Variants in NSD2 observed in about 807,000 individuals in gnomAD.
NSD2 encodes histone-lysine N-methyltransferase NSD2.
NSD2 carries 12 observed loss-of-function variants against 139.0 expected under a neutral mutation model. The observed-to-expected ratio is 0.09, with a 90% CI of 0.06 to 0.14. The LOEUF (loss-of-function observed/expected upper bound fraction) is 0.14, where lower values mean the gene tolerates loss of function less well. NSD2 is among the 10% of genes least tolerant of loss of function. The pLI, the probability that NSD2 is intolerant of heterozygous loss-of-function variation, is 1.00. For missense variants in NSD2, 1,155 were observed against 1,745.0 expected (o/e 0.66, Z 6.02); for synonymous variants, 669 against 648.7 (o/e 1.03, Z -0.48).
rs922442273 is a variant in NSD2 at position 1,955,927 on chromosome 4, A to G, written c.2676-56A>G. ...GCTTTACAGTACTTAAAGTATTGAAATTATTATCGCTGTCTCTGAGGAGTC... is the reference window on the plus strand; with the variant it reads ...GCTTTACAGTACTTAAAGTATTGAAGTTATTATCGCTGTCTCTGAGGAGTC... On this transcript the variant is annotated intron_variant, in intron 14 of 21. Transcript: ENST00000508803. The surrounding 1 kb of genome is among the most constrained non-coding windows in gnomAD (Gnocchi z 4.7). 18 of 1,610,900 alleles carry G rather than the reference A, an allele frequency of 1.1e-5. No homozygotes were observed. Among genetic ancestry groups the G allele is most frequent in the Non-Finnish European group, 1.4e-5 (16 of 1,178,084 alleles).
In NSD2 at chr4:1,955,110, A is replaced by T. The variant is rs778060997; in HGVS notation, c.2339-51A>T. ...GTAATTATTAGTTGCTCTTTTCACT[A>T]TGACTGGAGTCAGTGTTTGGGGTCC... is the stretch of plus-strand genomic sequence containing the variant. On this transcript the variant is annotated intron_variant, in intron 12 of 21. Coordinates refer to ENST00000508803, the MANE Select transcript of NSD2 (RefSeq NM_001042424.3). The surrounding 1 kb of genome is among the most constrained non-coding windows in gnomAD (Gnocchi z 4.7). The T allele has an allele frequency of 2.6e-6, 4 of 1,527,328 alleles. No homozygotes were observed. The highest frequency in any genetic ancestry group is 3.6e-6 in the Non-Finnish European group (4 of 1,121,868). 94.6% of individuals were successfully genotyped at this position (1,527,328 alleles called of 1,614,324 possible). A position where few individuals can be genotyped will look rare whatever the true frequency, so the allele number is the denominator to read the frequency against.
chr4:1,971,216 A>C (rs368430615), intron 18 of NSD2, among the ~76,000 whole-genome samples: 42 of 152,248 alleles, frequency 2.8e-4, no homozygotes, highest in African/African-American at 9.6e-4. Context: ...TTGTGGCCAA[A>C]GGTATGCCAA....
intron 15 of NSD2, among the ~76,000 whole-genome samples, chr4:1,957,255 G>T (rs1227130198): frequency 6.6e-6 from 1 of 151,834 alleles, no homozygotes; most frequent in Non-Finnish European, 1.5e-5. Flanking sequence ...CTTTTGTTTC[G>T]AGAGGAGCTC....
Position 1,945,507 on chromosome 4 carries a change from A to C in NSD2, c.1882-5565A>C, listed in dbSNP as rs905454251. On this transcript the variant is annotated intron_variant, in intron 9 of 21. Coordinates refer to ENST00000508803, the MANE Select transcript of NSD2 (RefSeq NM_001042424.3). ...AGCATCTAGTTCCAAAACCAAAAAA[A>C]GTGCCTGTGGATGTATATAAAATTA... 7 of 1,064,166 alleles carry C rather than the reference A, an allele frequency of 6.6e-6. No homozygotes were observed. The Admixed American group carries it at 1.6e-4, about 24-fold the overall frequency. The allele number at this position is 1,064,166 out of a possible 1,614,324, so 65.9% of individuals were successfully genotyped here.
chr4:1,880,612 C>CA (rs549555052), intron 1 of NSD2, among the ~76,000 whole-genome samples: 2,256 of 118,600 alleles, frequency 0.019, 49 homozygotes, highest in African/African-American at 0.055. Flanking sequence ...ATACTCCTGC[C>CA]AAAAAAAAAA....
rs1486687351 is a variant in NSD2, at chr4:1,981,178, ACATTTTAAAT to A, written c.*2270_*2279del. ...GATTTTTCTGAAGGAAATAATGCAAACATTTTAAATATGTTTCTCCCCCTTTCCAAAAACT... is the reference window on the plus strand; with the variant it reads ...GATTTTTCTGAAGGAAATAATGCAAAATGTTTCTCCCCCTTTCCAAAAACT... On this transcript the variant is annotated 3_prime_UTR_variant, in exon 22 of 22. Coordinates refer to ENST00000508803, the MANE Select transcript of NSD2 (RefSeq NM_001042424.3). 8.6e-6 allele frequency: 2 copies of A among 233,312 alleles called. No individual in the cohort carries two copies. The highest frequency in any genetic ancestry group is 6.0e-5 in the East Asian group (1 of 16,592). The allele number at this position is 233,312 out of a possible 1,614,324, so 14.5% of individuals were successfully genotyped here. A position where few individuals can be genotyped will look rare whatever the true frequency, so the allele number is the denominator to read the frequency against.
intron 1 of NSD2, among the ~76,000 whole-genome samples, chr4:1,885,962 A>G (rs1715049559): frequency 6.6e-6 from 1 of 152,234 alleles, no homozygotes; most frequent in African/African-American, 2.4e-5. Flanking sequence ...TAATAATTCT[A>G]TAATCAGAAA....
intron 1 of NSD2, among the ~76,000 whole-genome samples, chr4:1,886,741 G>T (rs1432806866): frequency 6.6e-6 from 1 of 152,068 alleles, no homozygotes; most frequent in Non-Finnish European, 1.5e-5. Flanking sequence ...AGGAGGCTGA[G>T]GCAGGGTACT....
At chr4:1,911,117 C>G (rs1278218823) in intron 3 of NSD2, among the ~76,000 whole-genome samples, 1 of 152,060 alleles carries the variant, frequency 6.6e-6, no homozygotes, top group African/African-American at 2.4e-5. Context: ...TAGTTGAGCC[C>G]AGAGAGTCAC....
chr4:1,890,330 G>A (rs1480476691), intron 1 of NSD2, among the ~76,000 whole-genome samples: 2 of 151,292 alleles, frequency 1.3e-5, no homozygotes, highest in African/African-American at 2.4e-5. Flanking sequence ...ATGGCGTCTC[G>A]CTCTGTCGCC....
intron 1 of NSD2, among the ~76,000 whole-genome samples, chr4:1,899,707 C>CTG (rs1157808234): frequency 1.3e-5 from 2 of 152,324 alleles, no homozygotes; most frequent in East Asian, 1.9e-4. Context: ...AGATTAGGGA[C>CTG]TGTAGCTTTG....
intron 6 of NSD2, among the ~76,000 whole-genome samples, chr4:1,933,667 T>C (rs963582592): frequency 6.6e-6 from 1 of 152,178 alleles, no homozygotes; most frequent in African/African-American, 2.4e-5. Flanking sequence ...GTGCTGGGAT[T>C]ACAGGTGTGA....
chr4:1,964,726 G>GC (rs1202378997), intron 18 of NSD2, among the ~76,000 whole-genome samples: 2 of 152,044 alleles, frequency 1.3e-5, no homozygotes, highest in African/African-American at 4.8e-5. Context: ...AGCACCAATT[G>GC]CCCCCCTCTT....
intron 17 of NSD2, among the ~76,000 whole-genome samples, chr4:1,959,945 C>G (rs938139913): frequency 1.3e-4 from 20 of 152,182 alleles, no homozygotes; most frequent in Admixed American, 7.2e-4. Context: ...ACTGCAGCCT[C>G]AGAATCCTGG....
intron 3 of NSD2, among the ~76,000 whole-genome samples, chr4:1,908,596 A>G (rs1401970036): frequency 6.6e-6 from 1 of 152,204 alleles, no homozygotes; most frequent in Non-Finnish European, 1.5e-5. Context: ...AGCAGAACAA[A>G]GAGAAGTGAG....
chr4:1,946,300 G>A (rs1399826768), intron 9 of NSD2: 1 of 858,342 alleles, frequency 1.2e-6, no homozygotes, highest in Admixed American at 6.0e-5. Context: ...GTCTCACCCT[G>A]TTGGCCAGGC....
Position 1,900,607 on chromosome 4 carries a change from CTTTT to C in NSD2, c.-29-14_-29-11del. On this transcript the variant is annotated splice_polypyrimidine_tract_variant and intron_variant, in intron 1 of 21. Transcript: ENST00000508803. ...TGTAATTGCTTTTTCTTTCTTTTTTCTTTTTTTTAATACCATAGTGTTCTAAGAA... is the reference window on the plus strand; with the variant it reads ...TGTAATTGCTTTTTCTTTCTTTTTTCTTTTAATACCATAGTGTTCTAAGAA... The C allele has an allele frequency of 6.9e-7, 1 of 1,456,160 alleles. No homozygotes were observed. Among genetic ancestry groups the C allele is most frequent in the Non-Finnish European group, 9.2e-7 (1 of 1,091,572 alleles). The allele number at this position is 1,456,160 out of a possible 1,614,324, so 90.2% of individuals were successfully genotyped here. A position where few individuals can be genotyped will look rare whatever the true frequency, so the allele number is the denominator to read the frequency against.
rs951224678 is a variant in NSD2, at chr4:1,948,221, G to A, written c.1882-2851G>A. On this transcript the variant is annotated intron_variant, in intron 9 of 21. Transcript: ENST00000508803. The surrounding 1 kb of genome is among the most constrained non-coding windows in gnomAD (Gnocchi z 4.5). Reference sequence around the variant, plus strand: ...GCCGCAGCATGGCTGTGGTGGACGCGGGAAACAACGGGAAAGTTCTTGACA... The same window carrying A: ...GCCGCAGCATGGCTGTGGTGGACGCAGGAAACAACGGGAAAGTTCTTGACA... 8 of 1,064,022 alleles carry A rather than the reference G, an allele frequency of 7.5e-6. No homozygotes were observed. Among genetic ancestry groups the A allele is most frequent in the African/African-American group, 4.9e-5 (3 of 60,950 alleles). The allele number at this position is 1,064,022 out of a possible 1,614,324, so 65.9% of individuals were successfully genotyped here. A position where few individuals can be genotyped will look rare whatever the true frequency, so the allele number is the denominator to read the frequency against.
At chr4:1,918,120 T>C in intron 4 of NSD2, 21 bp from the exon 5 acceptor site, 1 of 1,597,834 alleles carries the variant, frequency 6.3e-7, no homozygotes, top group East Asian at 2.2e-5. Flanking sequence ...AAACTTACAG[T>C]GTCTCTTTTT....
Sources: gnomAD v4.1 joint callset for allele counts (sites outside exome capture counted in the v4.1 genomes callset) on GRCh38, gnomAD v4.1.1 for gene constraint, Gnocchi (gnomAD v3.1) non-coding constraint, MANE v1.5 for transcripts, NCBI Gene and HGNC (gene_info 2026-07-23, HGNC 2026-07-21) for gene names.